Variants in ZNF407 observed in about 807,000 individuals in gnomAD.
The protein encoded by ZNF407 is zinc finger protein 407.
ZNF407 carries 17 observed loss-of-function variants against 131.2 expected under a neutral mutation model. The observed-to-expected ratio is 0.13, with a 90% CI of 0.09 to 0.19. The LOEUF is 0.19. ZNF407 is among the 10% of genes least tolerant of loss of function. The probability of loss-of-function intolerance (pLI) is 1.00; values close to 1 mark genes in which losing one functional copy is unlikely to be tolerated. For synonymous variants in ZNF407, 1,156 were observed against 1,062.0 expected, an observed-to-expected ratio of 1.09 and a Z score of -1.72; for missense variants, 2,681 against 2,830.6, an observed-to-expected ratio of 0.95 and a Z score of 1.20.
rs1984322926 is a variant in ZNF407, at chr18:74,634,374, C to G, written c.3355C>G (p.Leu1119Val). ...AATTTCAGGTCAACCATCTGATACT[C>G]TTAAATCTAGAAATGCTGCAGATTG... Reference protein sequence around the residue: ...QIISGQPSDTLKSRNAADCSI... With the variant: ...QIISGQPSDTVKSRNAADCSI... Residue 1119 changes from leucine to valine, a missense_variant, in exon 2 of 9, where the codon CTT (leucine) becomes GTT (valine). Leu to Val is a conservative substitution (Grantham distance 32). Coordinates refer to ENST00000299687, the MANE Select transcript of ZNF407 (RefSeq NM_017757.3). 2 of 1,613,660 alleles carry G rather than the reference C, an allele frequency of 1.2e-6. No homozygotes were observed. Among genetic ancestry groups the G allele is most frequent in the Non-Finnish European group, 1.7e-6 (2 of 1,179,878 alleles).
intron 6 of ZNF407, among the ~76,000 whole-genome samples, chr18:74,885,767 A>G (rs1971300964): frequency 6.6e-6 from 1 of 152,218 alleles, no homozygotes; most frequent in Non-Finnish European, 1.5e-5. Context: ...TCTATGTGCA[A>G]TGAAAATGAA....
rs34700805 is a variant in ZNF407, at chr18:74,706,940, C to CT, written c.4802+65845dup. 1.5e-3 allele frequency among the ~76,000 whole-genome samples: 192 copies of CT among 132,314 alleles called. 7 individuals carry two copies. Among genetic ancestry groups the CT allele is most frequent in the African/African-American group, 2.9e-3 (96 of 33,102 alleles). 86.8% of individuals were successfully genotyped at this position (132,314 alleles called of 152,430 possible). Reference sequence around the variant, plus strand: ...CATTCCACAGGGGCAAAGACAGCAGCTTTTTTTTTTTTTTTTTTTTTTTTT... The same window carrying CT: ...CATTCCACAGGGGCAAAGACAGCAGCTTTTTTTTTTTTTTTTTTTTTTTTTT... On this transcript the variant is annotated intron_variant, in intron 3 of 8. Transcript: ENST00000299687.
rs754083341 is a variant in ZNF407, at chr18:74,631,820, A to C, written c.801A>C (p.Thr267=). The change falls in exon 2 of 9, where the codon ACA becomes ACC. Residue 267 remains threonine, a synonymous_variant. Transcript: ENST00000299687. Reference sequence around the variant, plus strand: ...TGAATGCACATTATCTTGGCAAAACACATCTCCGTCGTCAGAATCTGGCTG... The same window carrying C: ...TGAATGCACATTATCTTGGCAAAACCCATCTCCGTCGTCAGAATCTGGCTG... ...NLLNAHYLGK[T]HLRRQNLAAR... is the part of the protein sequence containing the mutation. 1 of 1,614,054 alleles carries C rather than the reference A, an allele frequency of 6.2e-7. No homozygotes were observed. The highest frequency in any genetic ancestry group is 1.1e-5 in the South Asian group (1 of 91,088).
At chr18:74,711,736 A>C (rs1005213749) in intron 3 of ZNF407, among the ~76,000 whole-genome samples, 1 of 152,092 alleles carries the variant, frequency 6.6e-6, no homozygotes, top group African/African-American at 2.4e-5. Context: ...TTTGAGATGG[A>C]GTCTCTCTCT....
intron 8 of ZNF407, among the ~76,000 whole-genome samples, chr18:74,946,097 CAT>C (rs1251330883): frequency 1.3e-5 from 2 of 152,164 alleles, no homozygotes; most frequent in Non-Finnish European, 2.9e-5. Context: ...ATTAATTTAT[CAT>C]ATGTGTAAGC....
intron 8 of ZNF407, among the ~76,000 whole-genome samples, chr18:75,045,728 A>G (rs1313793563): frequency 6.6e-6 from 1 of 152,080 alleles, no homozygotes; most frequent in East Asian, 1.9e-4. Flanking sequence ...AAAAATGGAA[A>G]CTTCGATGTT....
intron 7 of ZNF407, among the ~76,000 whole-genome samples, chr18:74,918,731 T>G (rs1019434976): frequency 3.3e-5 from 5 of 152,076 alleles, no homozygotes; most frequent in Non-Finnish European, 7.4e-5. Context: ...AAAGGTGTTA[T>G]TGTTATTTTA....
intron 1 of ZNF407, among the ~76,000 whole-genome samples, chr18:74,610,122 T>G (rs887845672): frequency 6.6e-6 from 1 of 152,220 alleles, no homozygotes; most frequent in Non-Finnish European, 1.5e-5. Context: ...AGTGACTTGC[T>G]TGGGACCTGC....
At chr18:74,795,351 A>G (rs903351952) in intron 4 of ZNF407, among the ~76,000 whole-genome samples, 6 of 152,246 alleles carry the variant, frequency 3.9e-5, no homozygotes, top group African/African-American at 1.4e-4. Flanking sequence ...TTGTCATTCT[A>G]TAACATTTTA....
At chr18:74,794,657 G>T (rs1446975921) in intron 4 of ZNF407, among the ~76,000 whole-genome samples, 1 of 152,000 alleles carries the variant, frequency 6.6e-6, no homozygotes, top group Non-Finnish European at 1.5e-5. Flanking sequence ...GATGAACTAG[G>T]TTTTCAAATT....
chr18:74,761,485 A>G (rs890029930), intron 3 of ZNF407, among the ~76,000 whole-genome samples: 14 of 152,188 alleles, frequency 9.2e-5, no homozygotes, highest in African/African-American at 3.4e-4. Flanking sequence ...TGATATTACA[A>G]GATGTAAAAG....
chr18:74,671,937 A>C (rs1986155787), intron 3 of ZNF407, among the ~76,000 whole-genome samples: 1 of 151,658 alleles, frequency 6.6e-6, no homozygotes. Flanking sequence ...GTAGATGTAC[A>C]CGTTTTCTTT....
intron 4 of ZNF407, among the ~76,000 whole-genome samples, chr18:74,787,822 A>G (rs1969748893): frequency 6.6e-6 from 1 of 152,254 alleles, no homozygotes; most frequent in Non-Finnish European, 1.5e-5. Context: ...GCACACAGCT[A>G]TGACAATGAC....
intron 3 of ZNF407, among the ~76,000 whole-genome samples, chr18:74,684,390 A>G (rs915946745): frequency 2.0e-5 from 3 of 152,220 alleles, no homozygotes; most frequent in African/African-American, 7.2e-5. Flanking sequence ...ACATCTTTCT[A>G]TGAATCCTAT....
At chr18:74,952,375 G>A (rs114167452) in intron 8 of ZNF407, among the ~76,000 whole-genome samples, 586 of 152,270 alleles carry the variant, frequency 3.8e-3, no homozygotes, top group African/African-American at 0.013. Context: ...TCATGGAGAA[G>A]CACTTGGGCA....
At chr18:74,947,450 A>C (rs758885637) in intron 8 of ZNF407, among the ~76,000 whole-genome samples, 1 of 152,212 alleles carries the variant, frequency 6.6e-6, no homozygotes, top group Non-Finnish European at 1.5e-5. Context: ...GGCAGGGTAC[A>C]TAAAGAACTT....
chr18:74,631,762 T>C lies in ZNF407; in HGVS notation c.743T>C (p.Leu248Pro). 3.1e-6 allele frequency: 5 copies of C among 1,614,070 alleles called. No homozygotes were observed. The highest frequency in any genetic ancestry group is 3.4e-6 in the Non-Finnish European group (4 of 1,179,914). Reference sequence around the variant, plus strand: ...CCACAGAAGGTCTTTTCCTGTGATCTTTGTGGTTTTCAGTGTTCAGAAGAA... The same window carrying C: ...CCACAGAAGGTCTTTTCCTGTGATCCTTGTGGTTTTCAGTGTTCAGAAGAA... ...HGPQKVFSCD[L>P]CGFQCSEENL... The change falls in exon 2 of 9, where the codon CTT (leucine) becomes CCT (proline). Residue 248 changes from leucine to proline, a missense_variant. Around this residue, in one of 6 missense-constraint regions of ZNF407, gnomAD observed 1,789 missense variants for 1,748.7 expected, o/e 1.02. Transcript: ENST00000299687.
chr18:74,940,440 A>G (rs959431138), intron 8 of ZNF407, among the ~76,000 whole-genome samples: 2 of 152,046 alleles, frequency 1.3e-5, no homozygotes, highest in Admixed American at 6.6e-5. Flanking sequence ...TTATCTGGGG[A>G]GGAAGCTGGG....
intron 3 of ZNF407, among the ~76,000 whole-genome samples, chr18:74,681,799 T>C (rs949824850): frequency 1.3e-5 from 2 of 152,222 alleles, no homozygotes; most frequent in African/African-American, 4.8e-5. Flanking sequence ...CTTTGAAATT[T>C]CCCATTTTGT....
Sources: gnomAD v4.1 joint callset for allele counts (sites outside exome capture counted in the v4.1 genomes callset) on GRCh38, gnomAD v4.1.1 for gene constraint, gnomAD v4.1.1 regional missense constraint, MANE v1.5 for transcripts, NCBI Gene and HGNC (gene_info 2026-07-23, HGNC 2026-07-21) for gene names.